The following TXNRD1 variants were observed in gnomAD, a reference collection of about 807,000 sequenced individuals.
TXNRD1 encodes the protein thioredoxin reductase 1, cytoplasmic.
A neutral mutation model predicts 80.3 loss-of-function variants in TXNRD1; 57 were observed. The observed-to-expected ratio is 0.71, with a 90% CI of 0.57 to 0.89. TXNRD1 has a LOEUF of 0.89. Among genes scored for constraint, TXNRD1 ranks in the 40% least tolerant of loss-of-function variants. The pLI, the probability that TXNRD1 is intolerant of heterozygous loss-of-function variation, is 0.00. For synonymous variants in TXNRD1, 291 were observed against 285.2 expected (o/e 1.02, Z -0.20); for missense variants, 730 against 803.0 (o/e 0.91, Z 1.10).
Position 104,348,459 on chromosome 12 carries a change from C to G in TXNRD1, c.*38C>G, listed in dbSNP as rs745697824. 13 of 1,606,460 alleles carry G rather than the reference C, an allele frequency of 8.1e-6. No individual in the cohort carries two copies. Among genetic ancestry groups the G allele is most frequent in the Middle Eastern group, 1.7e-4 (1 of 6,046 alleles). ...ATGCTGTTGCCAAGACTGCAAACCA[C>G]TGGCTCGTTTCCGTGCCCAAATCCA... On this transcript the variant is annotated 3_prime_UTR_variant, in exon 17 of 17. Transcript: ENST00000525566.
At chr12:104,336,760 A>C (rs933564704) in intron 15 of TXNRD1, among the ~76,000 whole-genome samples, 1 of 152,198 alleles carries the variant, frequency 6.6e-6, no homozygotes, top group Non-Finnish European at 1.5e-5. Flanking sequence ...CTCTACAGGT[A>C]TTAACTTATT....
intron 4 of TXNRD1, among the ~76,000 whole-genome samples, chr12:104,307,051 T>C (rs1294889030): frequency 1.3e-5 from 2 of 152,036 alleles, no homozygotes; most frequent in Non-Finnish European, 2.9e-5. Flanking sequence ...GCTGTTAAAA[T>C]ATAAAGTTGA....
At chr12:104,222,672 G>A (rs1215610510) in intron 1 of TXNRD1, among the ~76,000 whole-genome samples, 1 of 152,134 alleles carries the variant, frequency 6.6e-6, no homozygotes, top group African/African-American at 2.4e-5. Context: ...GGCGAACATG[G>A]TGAAACCTCA....
At chr12:104,239,215 C>G (rs1350305574) in intron 1 of TXNRD1, among the ~76,000 whole-genome samples, 1 of 145,080 alleles carries the variant, frequency 6.9e-6, no homozygotes, top group Admixed American at 7.0e-5. Flanking sequence ...TTTTTTGAGA[C>G]GGAGTTTCGC....
At chr12:104,328,442 A>C (rs952419894) in intron 13 of TXNRD1, among the ~76,000 whole-genome samples, 31 of 152,080 alleles carry the variant, frequency 2.0e-4, no homozygotes, top group Admixed American at 4.6e-4. Context: ...TTCAGGCCTT[A>C]TTACCCAGTC....
rs1166958665 is a variant in TXNRD1 at position 104,294,241 on chromosome 12, C to G, written c.414+5201C>G. Among the ~76,000 whole-genome samples, 19 of 124,804 alleles carry G rather than the reference C, an allele frequency of 1.5e-4. 3 individuals are homozygous for G. Among genetic ancestry groups the G allele is most frequent in the Middle Eastern group, 7.9e-3 (2 of 254 alleles). 81.9% of individuals were successfully genotyped at this position (124,804 alleles called of 152,430 possible). A position where few individuals can be genotyped will look rare whatever the true frequency, so the allele number is the denominator to read the frequency against. ...AACTCCCCCGGGGAAAGGCCCCCCCCCCCGCCGCCGGCTTTCCCGGTCTGC... is the reference window on the plus strand; with the variant it reads ...AACTCCCCCGGGGAAAGGCCCCCCCGCCCGCCGCCGGCTTTCCCGGTCTGC... On this transcript the variant is annotated intron_variant, in intron 4 of 16. Transcript: ENST00000525566.
rs34755506 is a variant in TXNRD1 at position 104,329,991 on chromosome 12, T to C, written c.1543-1543T>C. Among the ~76,000 whole-genome samples the C allele has an allele frequency of 6.9e-3, 1,058 of 152,354 alleles. 14 individuals are homozygous for C. The highest frequency in any genetic ancestry group is 0.024 in the African/African-American group (978 of 41,578). On this transcript the variant is annotated intron_variant, in intron 13 of 16. Coordinates refer to ENST00000525566, the MANE Select transcript of TXNRD1 (RefSeq NM_001093771.3). The stretch of plus-strand genomic sequence containing the variant: ...CTCTTGGTCGATGTCTTAAAATGTG[T>C]TGCTTCATCCCTGTCTGGTTTCCTA...
rs1290840686 is a variant in TXNRD1, at chr12:104,309,579, G to C, written c.415-1711G>C. ...AATTTCATGCAGATAAAATGAGGTTGAGATAAAAAATGATTGTATGTTATT... is the reference window on the plus strand; with the variant it reads ...AATTTCATGCAGATAAAATGAGGTTCAGATAAAAAATGATTGTATGTTATT... On this transcript the variant is annotated intron_variant, in intron 4 of 16. Coordinates refer to ENST00000525566, the MANE Select transcript of TXNRD1 (RefSeq NM_001093771.3). Among the ~76,000 whole-genome samples, 3 of 152,168 alleles carry C rather than the reference G, an allele frequency of 2.0e-5. 1 individual carries two copies. Among genetic ancestry groups the C allele is most frequent in the African/African-American group, 7.2e-5 (3 of 41,430 alleles).
intron 2 of TXNRD1, among the ~76,000 whole-genome samples, chr12:104,255,764 G>T (rs1428986562): frequency 6.6e-6 from 1 of 152,144 alleles, no homozygotes; most frequent in Admixed American, 6.6e-5. Flanking sequence ...TTGCACTCCA[G>T]CCTGGGCAAC....
At chr12:104,337,316 A>G (rs954400129) in intron 15 of TXNRD1, among the ~76,000 whole-genome samples, 2 of 151,984 alleles carry the variant, frequency 1.3e-5, no homozygotes, top group African/African-American at 4.8e-5. Flanking sequence ...GATTGTTTCC[A>G]GGGAGTGATG....
At chr12:104,258,622 A>G (rs2033302731) in intron 3 of TXNRD1, among the ~76,000 whole-genome samples, 1 of 152,174 alleles carries the variant, frequency 6.6e-6, no homozygotes, top group African/African-American at 2.4e-5. Flanking sequence ...GCTCACAGAC[A>G]AACATTATTA....
At chr12:104,220,369 T>A (rs2032322995) in intron 1 of TXNRD1, among the ~76,000 whole-genome samples, 2 of 152,242 alleles carry the variant, frequency 1.3e-5, no homozygotes, top group Admixed American at 1.3e-4. Context: ...CACATTTGAA[T>A]GTTTACTCTT....
chr12:104,254,644 A>AAAAAAAAAAAAAAATATATATATATAT, intron 2 of TXNRD1, among the ~76,000 whole-genome samples: 11 of 93,606 alleles, frequency 1.2e-4, no homozygotes, highest in African/African-American at 4.6e-4. Context: ...AAAAAAAAAA[A>AAAAAAAAAAAAAAATATATATATATAT]ATATATATAT....
chr12:104,266,963 AAAAT>A (rs924569730), intron 3 of TXNRD1, among the ~76,000 whole-genome samples: 6 of 151,856 alleles, frequency 4.0e-5, no homozygotes, highest in African/African-American at 1.2e-4. Flanking sequence ...CTCCGTCTCA[AAAAT>A]AAATAAATAA....
intron 3 of TXNRD1, among the ~76,000 whole-genome samples, chr12:104,278,686 A>G (rs2033815447): frequency 6.9e-6 from 1 of 144,814 alleles, no homozygotes. Context: ...TATTTTTAGT[A>G]GAGACAGGGT....
chr12:104,239,494 C>T (rs1314849381), intron 1 of TXNRD1, among the ~76,000 whole-genome samples: 1 of 152,088 alleles, frequency 6.6e-6, no homozygotes, highest in African/African-American at 2.4e-5. Context: ...TGCACCTGGC[C>T]AAGAGTTTTT....
At chr12:104,318,808 C>T in intron 7 of TXNRD1, 105 bp from the exon 8 acceptor site, 3 of 1,261,634 alleles carry the variant, frequency 2.4e-6, no homozygotes. Flanking sequence ...TTCAGATTGC[C>T]TTTTAGAGCT....
chr12:104,326,254 T>C (rs1038621945), intron 11 of TXNRD1, 93 bp from the exon 12 acceptor site: 5 of 802,724 alleles, frequency 6.2e-6, no homozygotes, highest in Admixed American at 3.3e-5. Flanking sequence ...AAAAATGAAA[T>C]CAGATTAGCT....
Position 104,336,815 on chromosome 12 carries a change from C to T in TXNRD1, c.1747-2324C>T, listed in dbSNP as rs182978937. Among the ~76,000 whole-genome samples, 6 of 152,276 alleles carry T rather than the reference C, an allele frequency of 3.9e-5. No homozygotes were observed. The East Asian group carries it at 1.2e-3, about 29-fold the overall frequency. On this transcript the variant is annotated intron_variant, in intron 15 of 16. Transcript: ENST00000525566. ...TGAGGTATATATGCTATTGTTTCCCCCTTTTTATAGATGAGGAAACTGAAG... is the reference window on the plus strand; with the variant it reads ...TGAGGTATATATGCTATTGTTTCCCTCTTTTTATAGATGAGGAAACTGAAG...
Sources: gnomAD v4.1 joint callset for allele counts (sites outside exome capture counted in the v4.1 genomes callset) on GRCh38, gnomAD v4.1.1 for gene constraint, MANE v1.5 for transcripts, NCBI Gene and HGNC (gene_info 2026-07-23, HGNC 2026-07-21) for gene names.